SMARCC1: variants seen among roughly 807,000 people sequenced by gnomAD.
SMARCC1 encodes the protein SWI/SNF complex subunit SMARCC1.
A neutral mutation model predicts 147.4 loss-of-function variants in SMARCC1; 43 were observed. That is an observed-to-expected ratio of 0.29 (90% confidence interval 0.23 to 0.38). The LOEUF is 0.38. SMARCC1 is among the 10% of genes least tolerant of loss of function. The probability of loss-of-function intolerance (pLI) is 1.00; values close to 1 mark genes in which losing one functional copy is unlikely to be tolerated. For missense variants in SMARCC1, 1,119 were observed against 1,381.1 expected, an observed-to-expected ratio of 0.81 and a Z score of 3.01; for synonymous variants, 495 against 484.4, an observed-to-expected ratio of 1.02 and a Z score of -0.29.
At chr3:47,759,173 G>C (rs918357178) in intron 2 of SMARCC1, among the ~76,000 whole-genome samples, 1 of 151,662 alleles carries the variant, frequency 6.6e-6, no homozygotes, top group Non-Finnish European at 1.5e-5. Context: ...CCAAACGCCT[G>C]GCTAATTTTG....
chr3:47,748,616 T>C (rs1019171301), intron 2 of SMARCC1, among the ~76,000 whole-genome samples: 1 of 152,166 alleles, frequency 6.6e-6, no homozygotes, highest in East Asian at 1.9e-4. Flanking sequence ...ATCTGTGCTT[T>C]ACAGATTAAA....
intron 2 of SMARCC1, among the ~76,000 whole-genome samples, chr3:47,752,070 C>T (rs1447658034): frequency 6.6e-6 from 1 of 152,022 alleles, no homozygotes; most frequent in African/African-American, 2.4e-5. Context: ...AGTGACAGAG[C>T]GAGACTTCAT....
In SMARCC1 at chr3:47,736,108, G is replaced by A; in HGVS notation, c.502C>T (p.Pro168Ser). 1 of 1,587,670 alleles carries A rather than the reference G, an allele frequency of 6.3e-7. No individual in the cohort carries two copies. Among genetic ancestry groups the A allele is most frequent in the Non-Finnish European group, 8.6e-7 (1 of 1,165,268 alleles). ...ATGTCTGGAATGAGGTAGATGTTGG[G>A]TCTGGTCAAACAATTGTTCTGAGGA... ...TLVQNNCLTRPNIYLIPDIDL... is the reference protein window; with the variant it reads ...TLVQNNCLTRSNIYLIPDIDL... Residue 168 changes from proline (P) to serine (S), a missense_variant, in exon 5 of 28, where the codon CCC becomes TCC. Coordinates refer to ENST00000254480, the MANE Select transcript of SMARCC1 (RefSeq NM_003074.4).
Position 47,701,340 on chromosome 3 carries a change from G to C in SMARCC1, c.1103C>G (p.Thr368Ser). The C allele has an allele frequency of 6.2e-7, 1 of 1,612,934 alleles. No homozygotes were observed. Among genetic ancestry groups the C allele is most frequent in the South Asian group, 1.1e-5 (1 of 91,048 alleles). ...AGGTGTTGGGTCTTCCATATCCTTG[G>C]TTAGATCTTCTTGCTCATCTTCCTC... Reference protein sequence around the residue: ...QKEEDEQEDLTKDMEDPTPVP... With the variant: ...QKEEDEQEDLSKDMEDPTPVP... Residue 368 changes from threonine (T) to serine (S), a missense_variant, in exon 11 of 28, where the codon ACC becomes AGC. Around this residue, in one of 6 missense-constraint regions of SMARCC1, gnomAD observed 542 missense variants for 611.8 expected, o/e 0.89. Transcript: ENST00000254480.
chr3:47,597,264 C>T (rs920982984), intron 26 of SMARCC1, among the ~76,000 whole-genome samples: 41 of 152,248 alleles, frequency 2.7e-4, no homozygotes, highest in African/African-American at 9.4e-4. Flanking sequence ...TGAAGTGATG[C>T]CCCCGCCTCA....
At chr3:47,707,557 C>T (rs1007878384) in intron 9 of SMARCC1, among the ~76,000 whole-genome samples, 2 of 151,680 alleles carry the variant, frequency 1.3e-5, no homozygotes, top group African/African-American at 4.8e-5. Flanking sequence ...GCATCAGAGG[C>T]ATAAGTAAAT....
intron 15 of SMARCC1, 179 bp from the exon 16 acceptor site, chr3:47,678,490 T>C (rs2033599934): frequency 4.8e-6 from 2 of 414,860 alleles, no homozygotes; most frequent in Non-Finnish European, 4.3e-6. Context: ...GAACCACGAA[T>C]ATGCAAAACA....
intron 11 of SMARCC1, among the ~76,000 whole-genome samples, chr3:47,695,025 A>T (rs375356900): frequency 3.3e-5 from 5 of 152,364 alleles, no homozygotes; most frequent in African/African-American, 1.2e-4. Context: ...GATTCTAAAC[A>T]TATTTGATGA....
rs761106906 is a variant in SMARCC1 at position 47,588,190 on chromosome 3, G to T, written c.*19C>A. On this transcript the variant is annotated 3_prime_UTR_variant, in exon 28 of 28. Transcript: ENST00000254480. ...CCAGCTCATGGTGGTGGGCGTGGAG[G>T]TTCCCTGCATCTTCCAGGCTAAGGA... 13 of 1,591,582 alleles carry T rather than the reference G, an allele frequency of 8.2e-6. No individual in the cohort carries two copies. The South Asian group carries it at 1.4e-4, about 18-fold the overall frequency.
chr3:47,766,337 G>A (rs778757359), intron 2 of SMARCC1, among the ~76,000 whole-genome samples: 21 of 151,896 alleles, frequency 1.4e-4, no homozygotes, highest in Non-Finnish European at 5.9e-5. Context: ...GGGCCAAGGC[G>A]GAAAGACTGC....
At chr3:47,612,210 G>A (rs2032573969) in intron 25 of SMARCC1, among the ~76,000 whole-genome samples, 1 of 152,190 alleles carries the variant, frequency 6.6e-6, no homozygotes, top group Non-Finnish European at 1.5e-5. Flanking sequence ...GAGGCAAAAT[G>A]ACTGTAAAAG....
intron 2 of SMARCC1, among the ~76,000 whole-genome samples, chr3:47,766,582 A>C (rs1179757402): frequency 6.6e-6 from 1 of 152,270 alleles, no homozygotes; most frequent in African/African-American, 2.4e-5. Flanking sequence ...TGTCTCAAAA[A>C]AAGAAAAACA....
At chr3:47,669,986 G>A (rs1260863613) in intron 19 of SMARCC1, among the ~76,000 whole-genome samples, 1 of 152,206 alleles carries the variant, frequency 6.6e-6, no homozygotes, top group Non-Finnish European at 1.5e-5. Context: ...CATTCATGGT[G>A]CAAAAGGAGC....
At chr3:47,638,198 T>C (rs1428255790) in intron 22 of SMARCC1, among the ~76,000 whole-genome samples, 3 of 152,152 alleles carry the variant, frequency 2.0e-5, no homozygotes, top group African/African-American at 7.2e-5. Context: ...GTTCACGCCA[T>C]TCTCCTGCCT....
intron 25 of SMARCC1, among the ~76,000 whole-genome samples, chr3:47,621,383 T>C (rs897302530): frequency 6.6e-6 from 1 of 150,574 alleles, no homozygotes; most frequent in Non-Finnish European, 1.5e-5. Context: ...CCATTCGCAA[T>C]AGCGAAGACA....
chr3:47,662,793 C>A (rs1395700980), intron 19 of SMARCC1, among the ~76,000 whole-genome samples: 1 of 151,792 alleles, frequency 6.6e-6, no homozygotes, highest in Non-Finnish European at 1.5e-5. Flanking sequence ...AGAAAGTAGT[C>A]CAGGCACGGT....
At chr3:47,751,341 G>GACC (rs1320445868) in intron 2 of SMARCC1, among the ~76,000 whole-genome samples, 1 of 151,842 alleles carries the variant, frequency 6.6e-6, no homozygotes, top group Non-Finnish European at 1.5e-5. Context: ...AGGAGTTCAA[G>GACC]ACCAGCCTGG....
intron 26 of SMARCC1, among the ~76,000 whole-genome samples, chr3:47,602,921 G>A (rs974864712): frequency 1.3e-5 from 2 of 152,136 alleles, no homozygotes; most frequent in Admixed American, 6.5e-5. Flanking sequence ...AGGCCAAGGC[G>A]AGAGGATCGC....
chr3:47,710,636 G>T, intron 9 of SMARCC1, 47 bp downstream of exon 9: 1 of 1,591,256 alleles, frequency 6.3e-7, no homozygotes, highest in Non-Finnish European at 8.6e-7. Flanking sequence ...TAACATTTAG[G>T]CCAAGAAGAC....
Sources: allele counts gnomAD v4.1 joint callset (sites outside exome capture counted in the v4.1 genomes callset), GRCh38; gene constraint gnomAD v4.1.1; regional missense constraint gnomAD v4.1.1; transcripts MANE v1.5; gene names NCBI Gene and HGNC (gene_info 2026-07-23, HGNC 2026-07-21).